GRIK5: variants seen among roughly 807,000 people sequenced by gnomAD.
The protein encoded by GRIK5 is glutamate receptor ionotropic, kainate 5.
In GRIK5, 43 loss-of-function variants were observed where a neutral mutation model predicts 97.4. That is an observed-to-expected ratio of 0.44 (90% CI 0.35 to 0.57). The LOEUF is 0.57. Among genes scored for constraint, GRIK5 ranks in the 20% least tolerant of loss-of-function variants. GRIK5 has a pLI of 0.01. For synonymous variants in GRIK5, 580 were observed against 583.5 expected (o/e 0.99, Z 0.09); for missense variants, 1,015 against 1,382.0 (o/e 0.73, Z 4.21).
Position 42,002,278 on chromosome 19 carries a change from G to A in GRIK5, c.2514+1054C>T, listed in dbSNP as rs1322009252. The A allele has an allele frequency of 1.3e-5, 9 of 717,688 alleles. No homozygotes were observed. Among genetic ancestry groups the A allele is most frequent in the South Asian group, 1.5e-5 (1 of 67,604 alleles). The allele number at this position is 717,688 out of a possible 1,614,324, so 44.5% of individuals were successfully genotyped here. On this transcript the variant is annotated intron_variant, in intron 19 of 19. Transcript: ENST00000593562. The surrounding 1 kb of genome is among the most constrained non-coding windows in gnomAD (Gnocchi z 5.2). Reference sequence around the variant, plus strand: ...GGCTGTAAAGAGAAGGGAAGAAAGTGGGCGGTGGCTGGGAGGGAAAGTGAG... The same window carrying A: ...GGCTGTAAAGAGAAGGGAAGAAAGTAGGCGGTGGCTGGGAGGGAAAGTGAG...
intron 12 of GRIK5, among the ~76,000 whole-genome samples, chr19:42,034,614 C>T (rs983401880): frequency 2.6e-5 from 4 of 152,116 alleles, no homozygotes; most frequent in South Asian, 2.1e-4. Context: ...TGGTTCTAGG[C>T]GCTGGGGATG....
chr19:42,042,843 C>T lies in GRIK5; in HGVS notation c.1270-88G>A, dbSNP rs1015579277. On this transcript the variant is annotated intron_variant, in intron 11 of 19. Coordinates refer to ENST00000593562, the MANE Select transcript of GRIK5 (RefSeq NM_002088.5). This position sits in a 1 kb window ranked among gnomAD's most constrained non-coding sequence, Gnocchi z 6.9. ...TGGAGCCCGGACCAGGCAGGTAGAG[C>T]AGGAATCTGCTTGCTGAGCACGGTT... is the stretch of plus-strand genomic sequence containing the variant. The T allele has an allele frequency of 2.1e-6, 2 of 941,724 alleles. No homozygotes were observed. Among genetic ancestry groups the T allele is most frequent in the Non-Finnish European group, 1.6e-6 (1 of 613,282 alleles). 58.3% of individuals were successfully genotyped at this position (941,724 alleles called of 1,614,324 possible).
In GRIK5 at chr19:42,042,696, G is replaced by A. The variant is rs773660133; in HGVS notation, c.1329C>T (p.Phe443=). Residue 443 remains phenylalanine (F), a synonymous_variant, in exon 12 of 20, where the codon TTC becomes TTT. Coordinates refer to ENST00000593562, the MANE Select transcript of GRIK5 (RefSeq NM_002088.5). The surrounding 1 kb of genome is among the most constrained non-coding windows in gnomAD (Gnocchi z 6.9). ...GCAGCATGTCCACGCAGAAGCCCTC[G>A]AAGCGTTCGTTCCCCGACAGGGCCT... ...NFQALSGNER[F]EGFCVDMLRE... is the part of the protein sequence containing the mutation. The A allele has an allele frequency of 3.1e-5, 50 of 1,613,706 alleles. 1 individual carries two copies. The Admixed American group carries it at 3.5e-4, about 11-fold the overall frequency.
Position 42,022,012 on chromosome 19 carries a change from A to C in GRIK5, c.1632T>G (p.Pro544=). 6.2e-7 allele frequency: 1 copy of C among 1,614,024 alleles called. No homozygotes were observed. Among genetic ancestry groups the C allele is most frequent in the Non-Finnish European group, 8.5e-7 (1 of 1,179,920 alleles). The change falls in exon 14 of 20, where the codon CCT becomes CCG. Residue 544 remains proline (P), a synonymous_variant. Transcript: ENST00000593562. The surrounding 1 kb of genome is among the most constrained non-coding windows in gnomAD (Gnocchi z 4.2). The stretch of plus-strand genomic sequence containing the variant: ...CAAGAAGCATGAAGAGCCACACAGC[A>C]GGGGAGAAGGGGTCCAGGAAGGAGA... ...GYFSFLDPFS[P]AVWLFMLLAY... is the part of the protein sequence containing the mutation.
chr19:42,022,398 G>A lies in GRIK5; in HGVS notation c.1474-44C>T. The A allele has an allele frequency of 6.4e-7, 1 of 1,560,366 alleles. No individual in the cohort carries two copies. Among genetic ancestry groups the A allele is most frequent in the Non-Finnish European group, 8.8e-7 (1 of 1,137,722 alleles). ...GGCAGGGGTGGAGGGGGACAGAGGGGAAGACAGAAGTGGACAGTTAGAGAG... is the reference window on the plus strand; with the variant it reads ...GGCAGGGGTGGAGGGGGACAGAGGGAAAGACAGAAGTGGACAGTTAGAGAG... On this transcript the variant is annotated intron_variant, in intron 12 of 19. Coordinates refer to ENST00000593562, the MANE Select transcript of GRIK5 (RefSeq NM_002088.5). The surrounding 1 kb of genome is among the most constrained non-coding windows in gnomAD (Gnocchi z 4.2).
intron 8 of GRIK5, among the ~76,000 whole-genome samples, chr19:42,055,477 G>A (rs2076171232): frequency 1.3e-5 from 2 of 152,176 alleles, no homozygotes; most frequent in African/African-American, 4.8e-5. Context: ...TCAGACACCT[G>A]TTATGAGCTA....
At chr19:42,018,085 G>A (rs1191917639) in intron 15 of GRIK5, among the ~76,000 whole-genome samples, 4 of 147,856 alleles carry the variant, frequency 2.7e-5, no homozygotes, top group African/African-American at 1.0e-4. Flanking sequence ...AGGCCAAGGC[G>A]GGTGGATCAC....
chr19:42,000,316 T>C (rs1555870656), intron 19 of GRIK5, among the ~76,000 whole-genome samples: 1 of 151,956 alleles, frequency 6.6e-6, no homozygotes, highest in Non-Finnish European at 1.5e-5. Context: ...GCTATGACAA[T>C]AACCCGGGCA....
In GRIK5 at chr19:42,003,547, G is replaced by A. The variant is rs1229465879; in HGVS notation, c.2392+8C>T. On this transcript the variant is annotated splice_region_variant and intron_variant, in intron 18 of 19. Transcript: ENST00000593562. The surrounding 1 kb of genome is among the most constrained non-coding windows in gnomAD (Gnocchi z 4.2). ...TATGGGAAGGGGACACCATACGCGG[G>A]AACTGACCTTTAGCTCGATGGTCCT... 8 of 1,609,090 alleles carry A rather than the reference G, an allele frequency of 5.0e-6. No individual in the cohort carries two copies. The highest frequency in any genetic ancestry group is 3.3e-5 in the Admixed American group (2 of 59,704).
At chr19:42,066,420 G>A in intron 1 of GRIK5, among the ~76,000 whole-genome samples, 1 of 150,478 alleles carries the variant, frequency 6.6e-6, no homozygotes, top group South Asian at 2.1e-4. Context: ...GAAAAAGAGA[G>A]AGAGGCACAC....
At chr19:42,001,183 A>G (rs992151597) in intron 19 of GRIK5, among the ~76,000 whole-genome samples, 2 of 152,174 alleles carry the variant, frequency 1.3e-5, no homozygotes, top group Non-Finnish European at 2.9e-5. Context: ...GGTGAATCGT[A>G]AGCTGTTTCC....
chr19:42,051,110 G>T (rs779510152), intron 11 of GRIK5, among the ~76,000 whole-genome samples: 17 of 152,286 alleles, frequency 1.1e-4, no homozygotes, highest in Non-Finnish European at 2.4e-4. Flanking sequence ...TCACCAAAGG[G>T]CAGAGTGAGG....
At position 42,025,324 on chromosome 19, in the gene GRIK5, G is replaced by A. The variant is rs542229610; in HGVS notation, c.1474-2970C>T. Among the ~76,000 whole-genome samples, 7 of 152,282 alleles carry A rather than the reference G, an allele frequency of 4.6e-5. No homozygotes were observed. In the South Asian group the frequency reaches 1.4e-3, roughly 32 times the overall value. On this transcript the variant is annotated intron_variant, in intron 12 of 19. Coordinates refer to ENST00000593562, the MANE Select transcript of GRIK5 (RefSeq NM_002088.5). ...AGCCTCTTGCCACAGTTGACCCTTG[G>A]ATTCGGAACCACTCCCCTCCTAGGG...
At chr19:42,048,950 G>A (rs2076078254) in intron 11 of GRIK5, among the ~76,000 whole-genome samples, 1 of 151,616 alleles carries the variant, frequency 6.6e-6, no homozygotes, top group South Asian at 2.1e-4. Flanking sequence ...GCTGAGATAG[G>A]AGAAGTGCTG....
chr19:42,053,043 C>A (rs2076136971), intron 11 of GRIK5, among the ~76,000 whole-genome samples: 1 of 152,198 alleles, frequency 6.6e-6, no homozygotes, highest in Non-Finnish European at 1.5e-5. Context: ...GGCCCCTCTG[C>A]CTCTGATTTG....
rs2075716589 is a variant in GRIK5 at position 42,022,709 on chromosome 19, G to A, written c.1474-355C>T. ...AAAGAGCCAAGGTCCTGAAGGGGCT[G>A]AGACTGACAGCACTCGAGATAATAC... On this transcript the variant is annotated intron_variant, in intron 12 of 19. Coordinates refer to ENST00000593562, the MANE Select transcript of GRIK5 (RefSeq NM_002088.5). This position sits in a 1 kb window ranked among gnomAD's most constrained non-coding sequence, Gnocchi z 4.2. 9 of 963,462 alleles carry A rather than the reference G, an allele frequency of 9.3e-6. No homozygotes were observed. Among genetic ancestry groups the A allele is most frequent in the Non-Finnish European group, 1.1e-5 (9 of 810,356 alleles). The allele number at this position is 963,462 out of a possible 1,614,324, so 59.7% of individuals were successfully genotyped here.
In GRIK5 at chr19:42,022,415, G is replaced by C. The variant is rs2075711494; in HGVS notation, c.1474-61C>G. The C allele has an allele frequency of 7.8e-6, 12 of 1,538,122 alleles. No individual in the cohort carries two copies. The highest frequency in any genetic ancestry group is 1.8e-5 in the Admixed American group (1 of 56,406). Reference sequence around the variant, plus strand: ...ACAGAGGGGAAGACAGAAGTGGACAGTTAGAGAGAAATGCACGGAGAGTGA... The same window carrying C: ...ACAGAGGGGAAGACAGAAGTGGACACTTAGAGAGAAATGCACGGAGAGTGA... On this transcript the variant is annotated intron_variant, in intron 12 of 19. Coordinates refer to ENST00000593562, the MANE Select transcript of GRIK5 (RefSeq NM_002088.5). The surrounding 1 kb of genome is among the most constrained non-coding windows in gnomAD (Gnocchi z 4.2).
intron 12 of GRIK5, among the ~76,000 whole-genome samples, chr19:42,029,651 C>A (rs1160949875): frequency 2.0e-5 from 3 of 152,140 alleles, no homozygotes; most frequent in African/African-American, 7.2e-5. Context: ...CTCCATACAG[C>A]ATTCCTATTT....
At chr19:42,009,346 G>T (rs2146023549) in intron 15 of GRIK5, among the ~76,000 whole-genome samples, 1 of 151,964 alleles carries the variant, frequency 6.6e-6, no homozygotes, top group South Asian at 2.1e-4. Flanking sequence ...GGGTTCAAGC[G>T]ATTCTCCTGC....
Sources: gnomAD v4.1 joint callset for allele counts (sites outside exome capture counted in the v4.1 genomes callset) on GRCh38, gnomAD v4.1.1 for gene constraint, Gnocchi (gnomAD v3.1) non-coding constraint, MANE v1.5 for transcripts, NCBI Gene and HGNC (gene_info 2026-07-23, HGNC 2026-07-21) for gene names.